SLC27A6: variants seen among roughly 807,000 people sequenced by gnomAD.
SLC27A6 encodes long-chain fatty acid transport protein 6.
In SLC27A6, 74 loss-of-function variants were observed where a neutral mutation model predicts 63.9. The ratio of observed to expected loss-of-function variants is 1.16; its 90% confidence interval spans 0.96 to 1.40. The LOEUF is 1.40. Ranked by LOEUF, SLC27A6 falls within the 40% of genes most tolerant of loss-of-function variation. SLC27A6 has a pLI of 0.00. For missense variants in SLC27A6, 794 were observed against 732.9 expected (o/e 1.08, Z -0.96); for synonymous variants, 287 against 260.8 (o/e 1.10, Z -0.97).
Position 128,966,594 on chromosome 5 carries a change from C to T in SLC27A6, c.457C>T (p.Pro153Ser). 2 of 1,536,574 alleles carry T rather than the reference C, an allele frequency of 1.3e-6. No individual in the cohort carries two copies. Among genetic ancestry groups the T allele is most frequent in the Non-Finnish European group, 1.7e-6 (2 of 1,150,002 alleles). ...CCTGAATTGCATCCGCGCCTGTGGG[C>T]CCAGAGCCCTAGTGGTGGGCGCAGG... ...SLLNCIRACG[P>S]RALVVGADLL... The change falls in exon 1 of 10, where the codon CCC becomes TCC. Residue 153 changes from proline (P) to serine (S), a missense_variant. Physicochemically the swap from Pro to Ser is moderately conservative, Grantham distance 74. Transcript: ENST00000262462.
intron 1 of SLC27A6, among the ~76,000 whole-genome samples, chr5:128,973,025 C>T (rs1352629294): frequency 6.6e-6 from 1 of 152,204 alleles, no homozygotes; most frequent in East Asian, 1.9e-4. Context: ...AGTCAGGACC[C>T]TCAGCTGCAG....
Position 128,966,196 on chromosome 5 carries a change from A to G in SLC27A6, c.59A>G (p.Gln20Arg). ...GGAATGGTCGTCCTGCACTTCTTGCAGAAACTCCTGTTCCCTTACTTTTGG... is the reference window on the plus strand; with the variant it reads ...GGAATGGTCGTCCTGCACTTCTTGCGGAAACTCCTGTTCCCTTACTTTTGG... ...GAGMVVLHFL[Q>R]KLLFPYFWDD... Residue 20 changes from glutamine to arginine, a missense_variant, in exon 1 of 10, where the codon CAG becomes CGG. Physicochemically the swap from Gln to Arg is conservative, Grantham distance 43 (BLOSUM62 1). Transcript: ENST00000262462. 1 of 1,598,552 alleles carries G rather than the reference A, an allele frequency of 6.3e-7. No individual in the cohort carries two copies.
At chr5:128,993,333 C>T (rs553230473) in intron 4 of SLC27A6, among the ~76,000 whole-genome samples, 31 of 152,308 alleles carry the variant, frequency 2.0e-4, no homozygotes, top group South Asian at 1.7e-3. Flanking sequence ...TTTCAAATAT[C>T]ATGAATTAAA....
intron 4 of SLC27A6, among the ~76,000 whole-genome samples, chr5:129,009,661 T>A (rs1421596752): frequency 1.7e-5 from 2 of 120,530 alleles, no homozygotes; most frequent in African/African-American, 6.5e-5. Context: ...CCATCATAGC[T>A]AACATTTCTT....
intron 3 of SLC27A6, among the ~76,000 whole-genome samples, chr5:128,989,415 T>C (rs1416036250): frequency 6.6e-6 from 1 of 152,170 alleles, no homozygotes; most frequent in East Asian, 1.9e-4. Flanking sequence ...ACAGTGGAGA[T>C]CATTTGCTAC....
intron 6 of SLC27A6, among the ~76,000 whole-genome samples, chr5:129,026,273 G>T (rs534598625): frequency 2.0e-5 from 3 of 152,276 alleles, no homozygotes; most frequent in African/African-American, 7.2e-5. Context: ...CCAGAGCAGT[G>T]ATTGCTGCTG....
chr5:129,007,425 A>G (rs1751577611), intron 4 of SLC27A6, among the ~76,000 whole-genome samples: 1 of 145,870 alleles, frequency 6.9e-6, no homozygotes, highest in Non-Finnish European at 1.5e-5. Context: ...CCTGGGCGAC[A>G]GAGCGAGACT....
At chr5:129,011,332 A>C (rs898356028) in intron 4 of SLC27A6, among the ~76,000 whole-genome samples, 1 of 152,200 alleles carries the variant, frequency 6.6e-6, no homozygotes, top group Non-Finnish European at 1.5e-5. Flanking sequence ...ATGCTAAAGA[A>C]GAAATCATAA....
chr5:129,028,311 GTGCACTAAC>G, intron 7 of SLC27A6, 25 bp from the exon 8 acceptor site: 1 of 1,401,642 alleles, frequency 7.1e-7, no homozygotes, highest in Non-Finnish European at 1.0e-6. Context: ...TCAAATACAG[GTGCACTAAC>G]TGGAATTTGA....
At chr5:128,986,300 A>T (rs1189114458) in intron 2 of SLC27A6, among the ~76,000 whole-genome samples, 2 of 152,224 alleles carry the variant, frequency 1.3e-5, no homozygotes, top group East Asian at 3.8e-4. Flanking sequence ...CAACAGAGTG[A>T]GACTCAGTCT....
chr5:129,002,896 G>A (rs116407032), intron 4 of SLC27A6, among the ~76,000 whole-genome samples: 12,922 of 152,200 alleles, frequency 0.085, 747 homozygotes, highest in Non-Finnish European at 0.12. Flanking sequence ...CAGCCCACAT[G>A]GGTTTTGCTG....
intron 2 of SLC27A6, 25 bp from the exon 3 acceptor site, chr5:128,988,575 T>C: frequency 1.2e-6 from 2 of 1,602,886 alleles, no homozygotes; most frequent in Non-Finnish European, 1.7e-6. Flanking sequence ...GTATATATAT[T>C]TCCTGTTCTT....
intron 4 of SLC27A6, among the ~76,000 whole-genome samples, chr5:128,994,197 AATTTTT>A (rs894726249): frequency 1.3e-5 from 2 of 152,152 alleles, no homozygotes; most frequent in Non-Finnish European, 2.9e-5. Context: ...TTTTAATTTT[AATTTTT>A]AACTAAATCT....
chr5:128,983,286 C>G (rs950964177), intron 1 of SLC27A6, among the ~76,000 whole-genome samples: 2 of 111,612 alleles, frequency 1.8e-5, no homozygotes, highest in African/African-American at 6.6e-5. Context: ...CATTCTGATC[C>G]GGGTTTTTTT....
intron 1 of SLC27A6, among the ~76,000 whole-genome samples, chr5:128,975,019 T>C (rs1750327894): frequency 2.0e-5 from 3 of 152,288 alleles, no homozygotes; most frequent in Admixed American, 2.0e-4. Flanking sequence ...GTATATACAG[T>C]CATGAATCAC....
In SLC27A6 at chr5:128,980,888, T is replaced by G. The variant is rs1750562330; in HGVS notation, c.482-4245T>G. ...AATGTAGTTTTTAGTGCAGCATAAA[T>G]AATATAACTCATACTAATGGCATAT... On this transcript the variant is annotated intron_variant, in intron 1 of 9. Coordinates refer to ENST00000262462, the MANE Select transcript of SLC27A6 (RefSeq NM_001017372.3). Among the ~76,000 whole-genome samples, 3 of 152,160 alleles carry G rather than the reference T, an allele frequency of 2.0e-5. No homozygotes were observed. In the South Asian group the frequency reaches 6.2e-4, roughly 31 times the overall value.
chr5:128,970,604 A>G (rs1750109711), intron 1 of SLC27A6, among the ~76,000 whole-genome samples: 1 of 152,002 alleles, frequency 6.6e-6, no homozygotes, highest in South Asian at 2.1e-4. Flanking sequence ...CAGTGGTTGT[A>G]TCCCCTTTAT....
At position 129,033,165 on chromosome 5, in the gene SLC27A6, A is replaced by G. The variant is rs1242968528; in HGVS notation, c.1743A>G (p.Gly581=). The part of the protein sequence containing the change: ...KLLKHQLVED[G]FNPLKISEPL... ...TGAAGCATCAGTTGGTGGAAGATGGATTTAATCCACTGAAAATTTCTGAAC... is the reference window on the plus strand; with the variant it reads ...TGAAGCATCAGTTGGTGGAAGATGGGTTTAATCCACTGAAAATTTCTGAAC... The change falls in exon 10 of 10, where the codon GGA becomes GGG. Residue 581 remains glycine (G), a synonymous_variant. Coordinates refer to ENST00000262462, the MANE Select transcript of SLC27A6 (RefSeq NM_001017372.3). The G allele has an allele frequency of 1.9e-6, 3 of 1,609,678 alleles. No homozygotes were observed. The highest frequency in any genetic ancestry group is 2.2e-5 in the East Asian group (1 of 44,590).
At chr5:128,968,701 C>T (rs1261995663) in intron 1 of SLC27A6, among the ~76,000 whole-genome samples, 2 of 152,078 alleles carry the variant, frequency 1.3e-5, no homozygotes, top group Non-Finnish European at 2.9e-5. Context: ...AATTTTCTCC[C>T]ATTCTATAGG....
Sources: allele counts gnomAD v4.1 joint callset (sites outside exome capture counted in the v4.1 genomes callset), GRCh38; gene constraint gnomAD v4.1.1; transcripts MANE v1.5; gene names NCBI Gene and HGNC (gene_info 2026-07-23, HGNC 2026-07-21).